The following GRM7 variants were observed in gnomAD, a reference collection of about 807,000 sequenced individuals.
The protein encoded by GRM7 is glutamate metabotropic receptor 7, also known as metabotropic glutamate receptor 7.
A neutral mutation model predicts 84.5 loss-of-function variants in GRM7; 35 were observed. That is an observed-to-expected ratio of 0.41 (90% CI 0.32 to 0.55). The LOEUF (loss-of-function observed/expected upper bound fraction) is 0.55, where lower values mean the gene tolerates loss of function less well. Ranked by LOEUF, GRM7 falls within the 20% of genes least tolerant of loss-of-function variation. GRM7 has a pLI of 0.19. For missense variants in GRM7, 1,003 were observed against 1,194.6 expected (o/e 0.84, Z 2.36); for synonymous variants, 487 against 455.1 (o/e 1.07, Z -0.89).
chr3:7,717,674 T>C (rs1237328893), intron 9 of GRM7, among the ~76,000 whole-genome samples: 1 of 152,068 alleles, frequency 6.6e-6, no homozygotes, highest in African/African-American at 2.4e-5. Context: ...CTTAGCCAGG[T>C]GCAATGGCCC....
At chr3:6,909,265 C>G (rs116056107) in intron 1 of GRM7, among the ~76,000 whole-genome samples, 6 of 152,196 alleles carry the variant, frequency 3.9e-5, no homozygotes, top group Non-Finnish European at 7.4e-5. Flanking sequence ...TACTACTAAG[C>G]CTGCCCTTTG....
chr3:7,331,360 T>C (rs1005234990), intron 4 of GRM7, among the ~76,000 whole-genome samples: 1 of 152,168 alleles, frequency 6.6e-6, no homozygotes, highest in East Asian at 1.9e-4. Flanking sequence ...GCTGGAAGAT[T>C]GGAGAATTTC....
chr3:6,939,060 A>T (rs564356), intron 1 of GRM7, among the ~76,000 whole-genome samples: 65,328 of 152,010 alleles, frequency 0.43, 14,302 homozygotes, highest in Non-Finnish European at 0.48. Flanking sequence ...TTTCATTTTG[A>T]TTTTTTCTGC....
At chr3:7,732,901 G>A (rs1006358404) in intron 9 of GRM7, among the ~76,000 whole-genome samples, 1 of 152,196 alleles carries the variant, frequency 6.6e-6, no homozygotes, top group African/African-American at 2.4e-5. Context: ...AAGGGCCGCT[G>A]GTTGCCCATT....
chr3:7,273,416 C>A (rs533602231), intron 2 of GRM7, among the ~76,000 whole-genome samples: 1 of 152,088 alleles, frequency 6.6e-6, no homozygotes, highest in Non-Finnish European at 1.5e-5. Context: ...CACTAATTTT[C>A]TGCCTGCTAA....
intron 1 of GRM7, among the ~76,000 whole-genome samples, chr3:7,019,816 G>A (rs892672998): frequency 5.3e-5 from 8 of 152,128 alleles, no homozygotes; most frequent in East Asian, 3.9e-4. Flanking sequence ...CAATTTGACC[G>A]AATCATCCAA....
At position 7,578,895 on chromosome 3, in the gene GRM7, C is replaced by T. The variant is rs775811460; in HGVS notation, c.1989C>T (p.Gly663=). 6.2e-7 allele frequency: 1 copy of T among 1,614,140 alleles called. No homozygotes were observed. Among genetic ancestry groups the T allele is most frequent in the East Asian group, 2.2e-5 (1 of 44,882 alleles). The change falls in exon 8 of 10, where the codon GGC becomes GGT. Residue 663 remains glycine, a synonymous_variant. Coordinates refer to ENST00000357716, the MANE Select transcript of GRM7 (RefSeq NM_000844.4). The part of the protein sequence containing the change: ...AVCSFRRVFL[G]LGMCISYAAL... ...GTTCTTTCCGGCGAGTTTTCTTGGG[C>T]TTGGGTATGTGCATCAGTTATGCAG...
intron 2 of GRM7, among the ~76,000 whole-genome samples, chr3:7,226,557 A>G (rs1696988044): frequency 1.3e-5 from 2 of 152,280 alleles, no homozygotes; most frequent in South Asian, 4.1e-4. Context: ...CATCACATTA[A>G]CTTTGCCACA....
chr3:7,522,716 C>G (rs868615), intron 7 of GRM7, among the ~76,000 whole-genome samples: 93,102 of 152,034 alleles, frequency 0.61, 29,502 homozygotes, highest in African/African-American at 0.79. Flanking sequence ...CAGGCTGGTA[C>G]GTGGCAGAAT....
intron 4 of GRM7, among the ~76,000 whole-genome samples, chr3:7,324,665 G>T (rs9990013): frequency 0.42 from 64,004 of 151,814 alleles, 13,548 homozygotes; most frequent in Middle Eastern, 0.5. Flanking sequence ...TCTGAGCATT[G>T]TTATTTCTTC....
intron 1 of GRM7, among the ~76,000 whole-genome samples, chr3:7,139,104 T>C (rs1408786705): frequency 6.8e-6 from 1 of 147,518 alleles, no homozygotes; most frequent in African/African-American, 2.5e-5. Context: ...TACTCTATAA[T>C]ATAATATACT....
intron 2 of GRM7, among the ~76,000 whole-genome samples, chr3:7,240,131 T>TTTTTTTG (rs1448484325): frequency 6.9e-6 from 1 of 143,928 alleles, no homozygotes; most frequent in Non-Finnish European, 1.5e-5. Context: ...TTTTTTTTTT[T>TTTTTTTG]TTTTTTTTTT....
intron 1 of GRM7, among the ~76,000 whole-genome samples, chr3:6,911,077 CCCCCTCATAGGAGCT>C (rs1349933956): frequency 2.2e-4 from 33 of 152,188 alleles, no homozygotes; most frequent in East Asian, 1.2e-3. Context: ...TGGGCATTAG[CCCCCTCATAGGAGCT>C]TCTAATCATC....
intron 7 of GRM7, among the ~76,000 whole-genome samples, chr3:7,505,906 A>G (rs1054979510): frequency 6.6e-6 from 1 of 152,184 alleles, no homozygotes; most frequent in African/African-American, 2.4e-5. Flanking sequence ...TCTTTGATCC[A>G]TACTAATTTC....
rs764998178 is a variant in GRM7, at chr3:7,452,794, T to C, written c.1362T>C (p.Asn454=). ...AGAAGTTGCTGAAGTATATACGCAA[T>C]GTTAATTTCAATGGTGAGTCTCCAA... The part of the protein sequence containing the change: ...GGKKLLKYIR[N]VNFNGSAGTP... Residue 454 remains asparagine, a synonymous_variant, in exon 6 of 10, where the codon AAT becomes AAC. Transcript: ENST00000357716. The C allele has an allele frequency of 3.7e-6, 6 of 1,608,930 alleles. No homozygotes were observed. The highest frequency in any genetic ancestry group is 3.3e-4 in the Middle Eastern group (2 of 6,030).
At chr3:7,585,896 C>G (rs558507421) in intron 8 of GRM7, among the ~76,000 whole-genome samples, 1 of 152,254 alleles carries the variant, frequency 6.6e-6, no homozygotes, top group African/African-American at 2.4e-5. Context: ...ATTCTCGGCT[C>G]CATAGACTAT....
At chr3:6,864,016 G>T (rs529547616) in intron 1 of GRM7, among the ~76,000 whole-genome samples, 1 of 152,280 alleles carries the variant, frequency 6.6e-6, no homozygotes, top group African/African-American at 2.4e-5. Flanking sequence ...GAAAAAAGGG[G>T]TGGGGGGCTG....
At chr3:6,946,544 C>T (rs1698089293) in intron 1 of GRM7, among the ~76,000 whole-genome samples, 1 of 152,118 alleles carries the variant, frequency 6.6e-6, no homozygotes, top group Non-Finnish European at 1.5e-5. Flanking sequence ...GCAATGCAGG[C>T]TCTTTTTTGG....
At chr3:6,907,355 G>A (rs1696618295) in intron 1 of GRM7, among the ~76,000 whole-genome samples, 1 of 152,170 alleles carries the variant, frequency 6.6e-6, no homozygotes, top group African/African-American at 2.4e-5. Context: ...AGATGAAAAT[G>A]GTTTGAAAAA....
Sources: gnomAD v4.1 joint callset for allele counts (sites outside exome capture counted in the v4.1 genomes callset) on GRCh38, gnomAD v4.1.1 for gene constraint, MANE v1.5 for transcripts, NCBI Gene and HGNC (gene_info 2026-07-23, HGNC 2026-07-21) for gene names.